Variants in LRP6 observed in about 807,000 individuals in gnomAD.
The protein encoded by LRP6 is LDL receptor related protein 6, also known as low-density lipoprotein receptor-related protein 6.
Under a neutral mutation model 184.1 loss-of-function variants are expected in LRP6, and 43 were observed. The ratio of observed to expected loss-of-function variants is 0.23; its 90% CI spans 0.18 to 0.30. The LOEUF (loss-of-function observed/expected upper bound fraction) is 0.30, where lower values mean the gene tolerates loss of function less well. Ranked by LOEUF, LRP6 falls within the 10% of genes least tolerant of loss-of-function variation. LRP6 has a pLI of 1.00. For missense variants in LRP6, 1,571 were observed against 2,005.3 expected (o/e 0.78, Z 4.14); for synonymous variants, 719 against 684.9 (o/e 1.05, Z -0.78).
chr12:12,212,534 G>C (rs1472660951), intron 2 of LRP6, among the ~76,000 whole-genome samples: 2 of 152,038 alleles, frequency 1.3e-5, no homozygotes, highest in Non-Finnish European at 2.9e-5. Flanking sequence ...CCCCTGCCAA[G>C]TAAAAGTGAA....
chr12:12,257,267 A>G (rs1426927947), intron 1 of LRP6, among the ~76,000 whole-genome samples: 1 of 152,136 alleles, frequency 6.6e-6, no homozygotes, highest in Non-Finnish European at 1.5e-5. Flanking sequence ...TTATAGCTCC[A>G]AAAAACTTGG....
At chr12:12,202,198 C>A (rs1234745953) in intron 3 of LRP6, among the ~76,000 whole-genome samples, 3 of 152,218 alleles carry the variant, frequency 2.0e-5, no homozygotes, top group African/African-American at 7.2e-5. Flanking sequence ...TAGGTTTTCT[C>A]CTTGTCCAGA....
chr12:12,197,191 G>C (rs866216902), intron 3 of LRP6, among the ~76,000 whole-genome samples: 16 of 152,316 alleles, frequency 1.1e-4, no homozygotes, highest in Admixed American at 5.2e-4. Context: ...TCTCTGGCCA[G>C]TGGGAATTCT....
Position 12,126,844 on chromosome 12 carries a change from A to G in LRP6, c.4159T>C (p.Ser1387Pro), listed in dbSNP as rs766021994. 1.2e-5 allele frequency: 19 copies of G among 1,614,056 alleles called. No homozygotes were observed. The highest frequency in any genetic ancestry group is 1.6e-5 in the Non-Finnish European group (19 of 1,180,008). The change falls in exon 20 of 23, where the codon TCT (serine) becomes CCT (proline). Residue 1387 changes from serine to proline, a missense_variant. Ser to Pro is a moderately conservative substitution (Grantham distance 74). Transcript: ENST00000261349. ...VIGVIVTIFV[S>P]GTVYFICQRM... is the part of the protein sequence containing the mutation. ...TGGCAGATAAAGTATACAGTTCCAG[A>G]CACAAAAATGGTGACAATTACGCCA...
chr12:12,255,262 T>C (rs1865430512), intron 1 of LRP6, among the ~76,000 whole-genome samples: 1 of 151,598 alleles, frequency 6.6e-6, no homozygotes, highest in African/African-American at 2.4e-5. Context: ...AGAAAGTAGA[T>C]GCACAACTTC....
chr12:12,118,084 G>GT lies in LRP6; in HGVS notation c.*3041dup. 1.3e-5 allele frequency: 2 copies of GT among 152,292 alleles called. No homozygotes were observed. Among genetic ancestry groups the GT allele is most frequent in the South Asian group, 4.1e-4 (2 of 4,828 alleles). 9.4% of individuals were successfully genotyped at this position (152,292 alleles called of 1,614,324 possible). A position where few individuals can be genotyped will look rare whatever the true frequency, so the allele number is the denominator to read the frequency against. ...AAGCTACTTTTATATTAAAATTAAA[G>GT]TAACTACATAATCTTCTGCTAAACA... On this transcript the variant is annotated 3_prime_UTR_variant, in exon 23 of 23. Coordinates refer to ENST00000261349, the MANE Select transcript of LRP6 (RefSeq NM_002336.3).
In LRP6 at chr12:12,227,847, G is replaced by C. The variant is rs184597322; in HGVS notation, c.449+16415C>G. 1.5e-3 allele frequency among the ~76,000 whole-genome samples: 221 copies of C among 152,306 alleles called. 1 individual carries two copies. The highest frequency in any genetic ancestry group is 4.9e-3 in the African/African-American group (202 of 41,564). On this transcript the variant is annotated intron_variant, in intron 2 of 22. Coordinates refer to ENST00000261349, the MANE Select transcript of LRP6 (RefSeq NM_002336.3). ...AGGGGATGGAAGGGAGAAATTAGGA[G>C]TATTTTGTTTCAGCCAATTCTGTTG...
At chr12:12,127,003 T>C (rs1211094346) in intron 19 of LRP6, 82 bp from the exon 20 acceptor site, 8 of 1,160,084 alleles carry the variant, frequency 6.9e-6, no homozygotes, top group Non-Finnish European at 9.0e-6. Flanking sequence ...GGCTTGCTAA[T>C]AGGATGTGAA....
At chr12:12,179,325 T>A in intron 7 of LRP6, among the ~76,000 whole-genome samples, 1 of 151,990 alleles carries the variant, frequency 6.6e-6, no homozygotes, top group African/African-American at 2.4e-5. Context: ...TTTAATATAT[T>A]CTACCATCTG....
intron 2 of LRP6, among the ~76,000 whole-genome samples, chr12:12,237,707 G>GTT (rs1248349419): frequency 6.6e-6 from 1 of 152,156 alleles, no homozygotes; most frequent in Admixed American, 6.5e-5. Context: ...ACAGCAAATA[G>GTT]AGCCAAACTG....
At chr12:12,207,820 A>G (rs780620136) in intron 2 of LRP6, among the ~76,000 whole-genome samples, 7 of 152,208 alleles carry the variant, frequency 4.6e-5, no homozygotes, top group Non-Finnish European at 7.3e-5. Context: ...TCCAAACCAT[A>G]AACAGGTCCA....
At chr12:12,180,118 T>A in intron 6 of LRP6, 137 bp from the exon 7 acceptor site, 5 of 674,108 alleles carry the variant, frequency 7.4e-6, no homozygotes, top group Non-Finnish European at 1.3e-5. Flanking sequence ...AAAAAAAACA[T>A]ATGAAGAGGT....
At chr12:12,203,088 T>TCC (rs1863959111) in intron 3 of LRP6, 115 bp downstream of exon 3, 1 of 689,958 alleles carries the variant, frequency 1.4e-6, no homozygotes, top group East Asian at 2.7e-5. Flanking sequence ...CTATTCTTCT[T>TCC]CCCCTCTGGC....
intron 2 of LRP6, 72 bp from the exon 3 acceptor site, chr12:12,203,472 T>C: frequency 7.6e-7 from 1 of 1,313,378 alleles, no homozygotes; most frequent in South Asian, 1.2e-5. Flanking sequence ...TTATTACTAT[T>C]AAAGAAAGCT....
chr12:12,217,479 C>T (rs970114086), intron 2 of LRP6, among the ~76,000 whole-genome samples: 1 of 152,076 alleles, frequency 6.6e-6, no homozygotes, highest in Non-Finnish European at 1.5e-5. Context: ...AGGTAATGTG[C>T]TTAAGTCATA....
At position 12,147,474 on chromosome 12, in the gene LRP6, A is replaced by G; in HGVS notation, c.3289T>C (p.Phe1097Leu). The G allele has an allele frequency of 6.2e-7, 1 of 1,614,136 alleles. No homozygotes were observed. The highest frequency in any genetic ancestry group is 1.7e-5 in the Admixed American group (1 of 60,004). The change falls in exon 15 of 23, where the codon TTT becomes CTT. Residue 1097 changes from phenylalanine to leucine, a missense_variant. Coordinates refer to ENST00000261349, the MANE Select transcript of LRP6 (RefSeq NM_002336.3). ...ALDGTEREVLFFSGLSKPIAL... is the reference protein window; with the variant it reads ...ALDGTEREVLLFSGLSKPIAL... Reference sequence around the variant, plus strand: ...ATTGGTTTACTTAAGCCACTGAAAAAGAGGACCTCCCGTTCTGTCCCATCC... The same window carrying G: ...ATTGGTTTACTTAAGCCACTGAAAAGGAGGACCTCCCGTTCTGTCCCATCC...
Position 12,135,310 on chromosome 12 carries a change from G to A in LRP6, c.3608-10C>T, listed in dbSNP as rs755484857. 1.2e-6 allele frequency: 2 copies of A among 1,608,144 alleles called. No homozygotes were observed. Among genetic ancestry groups the A allele is most frequent in the Non-Finnish European group, 1.7e-6 (2 of 1,175,956 alleles). On this transcript the variant is annotated splice_polypyrimidine_tract_variant and intron_variant, in intron 16 of 22. Coordinates refer to ENST00000261349, the MANE Select transcript of LRP6 (RefSeq NM_002336.3). ...GCACAAGGGTGCTGTCCTGCAAAGA[G>A]AAGAGGTGAGGATGGGGAGAGGAGG...
chr12:12,133,234 T>G (rs929126652), intron 17 of LRP6, among the ~76,000 whole-genome samples: 1 of 152,136 alleles, frequency 6.6e-6, no homozygotes, highest in Non-Finnish European at 1.5e-5. Flanking sequence ...ATGCAAACCG[T>G]GTGATATAGT....
At chr12:12,124,774 GCACA>G in intron 21 of LRP6, 112 bp from the exon 22 acceptor site, 1 of 685,146 alleles carries the variant, frequency 1.5e-6, no homozygotes, top group South Asian at 1.8e-5. Flanking sequence ...TACACTATTA[GCACA>G]ATTCTTCTTT....
Sources: allele counts gnomAD v4.1 joint callset (sites outside exome capture counted in the v4.1 genomes callset), GRCh38; gene constraint gnomAD v4.1.1; transcripts MANE v1.5; gene names NCBI Gene and HGNC (gene_info 2026-07-23, HGNC 2026-07-21).